The following PAM variants were observed in gnomAD, a reference collection of about 807,000 sequenced individuals.
PAM encodes peptidyl-glycine alpha-amidating monooxygenase.
Under a neutral mutation model 122.1 loss-of-function variants are expected in PAM, and 72 were observed. The ratio of observed to expected loss-of-function variants is 0.59; its 90% CI spans 0.49 to 0.72. The LOEUF (loss-of-function observed/expected upper bound fraction) is 0.72. Ranked by LOEUF, PAM falls within the 30% of genes least tolerant of loss-of-function variation. The pLI, the probability that PAM is intolerant of heterozygous loss-of-function variation, is 0.00. For missense variants in PAM, 1,106 were observed against 1,183.7 expected (o/e 0.93, Z 0.96); for synonymous variants, 389 against 404.4 (o/e 0.96, Z 0.46).
intron 11 of PAM, among the ~76,000 whole-genome samples, chr5:102,950,416 G>GGTGTGTGTGGGTGTGTGTGT (rs1554134183): frequency 7.5e-5 from 11 of 145,966 alleles, no homozygotes; most frequent in African/African-American, 2.8e-4. Context: ...TATGTGGGTG[G>GGTGTGTGTGGGTGTGTGTGT]GTGTGTGTGT....
At chr5:102,974,592 C>T in intron 15 of PAM, 156 bp downstream of exon 15, 1 of 537,602 alleles carries the variant, frequency 1.9e-6, no homozygotes. Context: ...TATCAGATAA[C>T]ATCTTTGAAG....
rs758914719 is a variant in PAM, at chr5:102,926,574, T to A, written c.443-11T>A. The A allele has an allele frequency of 5.9e-6, 9 of 1,523,114 alleles. No homozygotes were observed. The highest frequency in any genetic ancestry group is 8.2e-6 in the Non-Finnish European group (9 of 1,098,698). 94.3% of individuals were successfully genotyped at this position (1,523,114 alleles called of 1,614,324 possible). On this transcript the variant is annotated splice_polypyrimidine_tract_variant and intron_variant, in intron 6 of 25. Transcript: ENST00000438793. ...CATTTCTAATATATTAACTTTTTTGTAAATCTTTAGGTGTTGGATTCAGAG... is the reference window on the plus strand; with the variant it reads ...CATTTCTAATATATTAACTTTTTTGAAAATCTTTAGGTGTTGGATTCAGAG...
intron 4 of PAM, 115 bp downstream of exon 4, chr5:102,901,528 A>C (rs1446367117): frequency 1.5e-6 from 1 of 672,440 alleles, no homozygotes; most frequent in East Asian, 2.8e-5. Context: ...GTCAGTTTCT[A>C]AAATGCATTT....
At chr5:102,901,814 G>C (rs1298573920) in intron 4 of PAM, among the ~76,000 whole-genome samples, 2 of 151,488 alleles carry the variant, frequency 1.3e-5, no homozygotes, top group African/African-American at 4.8e-5. Context: ...GATTTTACCT[G>C]TCAGACAGGT....
rs1325826889 is a variant in PAM, at chr5:102,867,273, G to A, written c.90G>A (p.Arg30=). The A allele has an allele frequency of 1.3e-6, 2 of 1,596,040 alleles. No homozygotes were observed. Among genetic ancestry groups the A allele is most frequent in the Non-Finnish European group, 1.7e-6 (2 of 1,164,862 alleles). ...TATTGAAATTGCCCTCTTTTTTAAGGTTTAAAGAAACTACCAGACCATTTT... is the reference window on the plus strand; with the variant it reads ...TATTGAAATTGCCCTCTTTTTTAAGATTTAAAGAAACTACCAGACCATTTT... ...AFRSPLSVFK[R]FKETTRPFSN... Residue 30 remains arginine, a splice_region_variant and synonymous_variant, in exon 3 of 26, where the codon AGG becomes AGA. Transcript: ENST00000438793.
chr5:102,814,244 AG>A (rs1352308049), intron 1 of PAM, among the ~76,000 whole-genome samples: 7 of 152,192 alleles, frequency 4.6e-5, no homozygotes, highest in Admixed American at 3.3e-4. Context: ...CTGCAATTTA[AG>A]CTCAAAACTT....
intron 1 of PAM, among the ~76,000 whole-genome samples, chr5:102,851,690 A>G (rs1477769773): frequency 2.0e-5 from 3 of 152,232 alleles, no homozygotes; most frequent in Non-Finnish European, 2.9e-5. Context: ...TAATTTGGCT[A>G]AATCAGAATG....
In PAM at chr5:102,990,334, G is replaced by A; in HGVS notation, c.1546G>A (p.Gly516Arg). The A allele has an allele frequency of 6.2e-7, 1 of 1,609,562 alleles. No homozygotes were observed. Among genetic ancestry groups the A allele is most frequent in the South Asian group, 1.1e-5 (1 of 90,532 alleles). Residue 516 changes from glycine to arginine, a missense_variant, in exon 16 of 26, where the codon GGG (glycine) becomes AGG (arginine). Physicochemically the swap from Gly to Arg is moderately radical, Grantham distance 125. This residue lies in a region of PAM where 670 missense variants were observed against 690.3 expected (regional missense o/e 0.97). Coordinates refer to ENST00000438793, the MANE Select transcript of PAM (RefSeq NM_001177306.2). ...ATACTTGTTACCAGGCCAGGTTTCT[G>A]GGGTGGCTCTAGACCCTAAGAATAA... ...GVYLLPGQVSGVALDPKNNLV... is the reference protein window; with the variant it reads ...GVYLLPGQVSRVALDPKNNLV...
chr5:102,902,735 T>A (rs140401918), intron 4 of PAM, among the ~76,000 whole-genome samples: 1 of 151,648 alleles, frequency 6.6e-6, no homozygotes, highest in Admixed American at 6.6e-5. Flanking sequence ...TTTTTCCTAA[T>A]TTATATTTTC....
At chr5:102,863,934 T>C (rs886670289) in intron 1 of PAM, among the ~76,000 whole-genome samples, 3 of 151,088 alleles carry the variant, frequency 2.0e-5, no homozygotes, top group Non-Finnish European at 3.0e-5. Context: ...CAACTTTAAT[T>C]CCCTTTTCTT....
chr5:102,766,926 A>ATTTTTTTT, intron 1 of PAM, among the ~76,000 whole-genome samples: 342 of 25,848 alleles, frequency 0.013, 112 homozygotes, highest in African/African-American at 0.023. Flanking sequence ...TCAGTTGTGG[A>ATTTTTTTT]TTTTTTTTTT....
chr5:102,978,624 C>A (rs1768575238), intron 15 of PAM, among the ~76,000 whole-genome samples: 1 of 152,074 alleles, frequency 6.6e-6, no homozygotes, highest in African/African-American at 2.4e-5. Flanking sequence ...CAATTCTGAT[C>A]AGATAAGAGG....
At chr5:102,832,059 A>C (rs1242249032) in intron 1 of PAM, among the ~76,000 whole-genome samples, 1 of 152,076 alleles carries the variant, frequency 6.6e-6, no homozygotes, top group Non-Finnish European at 1.5e-5. Context: ...CCTTCATTAT[A>C]CTGTGCAGTG....
At chr5:102,824,390 A>C (rs1772977644) in intron 1 of PAM, among the ~76,000 whole-genome samples, 1 of 152,224 alleles carries the variant, frequency 6.6e-6, no homozygotes, top group Non-Finnish European at 1.5e-5. Context: ...ACATTGTTTT[A>C]TCTTAGTCAT....
At chr5:102,969,097 G>T (rs750616839) in intron 14 of PAM, among the ~76,000 whole-genome samples, 1 of 152,048 alleles carries the variant, frequency 6.6e-6, no homozygotes, top group Non-Finnish European at 1.5e-5. Context: ...GGGGGGTAGG[G>T]GGCTAGGGGA....
chr5:103,002,139 T>C (rs952142587), intron 16 of PAM, among the ~76,000 whole-genome samples: 5 of 152,118 alleles, frequency 3.3e-5, no homozygotes, highest in African/African-American at 1.2e-4. Context: ...TACAGAAGCT[T>C]AGATTAGAAG....
In PAM at chr5:102,969,506, A is replaced by G. The variant is rs932830557; in HGVS notation, c.1163-4610A>G. Among the ~76,000 whole-genome samples, 6 of 152,122 alleles carry G rather than the reference A, an allele frequency of 3.9e-5. No homozygotes were observed. In the East Asian group the frequency reaches 7.7e-4, roughly 20 times the overall value. ...TGAGGAAGGAGAAGAGTCTTTCACT[A>G]TGACAATCAAAAGATAAGATTCCCA... On this transcript the variant is annotated intron_variant, in intron 14 of 25. Transcript: ENST00000438793.
intron 1 of PAM, among the ~76,000 whole-genome samples, chr5:102,771,109 G>A (rs1755674057): frequency 6.6e-6 from 1 of 152,086 alleles, no homozygotes; most frequent in South Asian, 2.1e-4. Flanking sequence ...AAAAAAGCCA[G>A]TTTTCGTTAA....
chr5:102,911,981 C>CA (rs1443370534), intron 4 of PAM, among the ~76,000 whole-genome samples: 4 of 152,074 alleles, frequency 2.6e-5, no homozygotes, highest in Non-Finnish European at 2.9e-5. Flanking sequence ...GAATGTTTCC[C>CA]AAATATGTAA....
Sources: allele counts gnomAD v4.1 joint callset (sites outside exome capture counted in the v4.1 genomes callset), GRCh38; gene constraint gnomAD v4.1.1; regional missense constraint gnomAD v4.1.1; transcripts MANE v1.5; gene names NCBI Gene and HGNC (gene_info 2026-07-23, HGNC 2026-07-21).